The following ANKS1B variants were observed in gnomAD, a reference collection of about 807,000 sequenced individuals.
ANKS1B encodes the protein ankyrin repeat and sterile alpha motif domain-containing protein 1B.
In ANKS1B, 36 loss-of-function variants were observed where a neutral mutation model predicts 148.3. That is an observed-to-expected ratio of 0.24 (90% CI 0.19 to 0.32). ANKS1B has a LOEUF of 0.32. Among genes scored for constraint, ANKS1B ranks in the 10% least tolerant of loss-of-function variants. The pLI is 1.00. For synonymous variants in ANKS1B, 542 were observed against 560.8 expected (o/e 0.97, Z 0.47); for missense variants, 1,157 against 1,542.6 (o/e 0.75, Z 4.19).
At chr12:99,846,858 C>T (rs939684833) in intron 1 of ANKS1B, among the ~76,000 whole-genome samples, 7 of 152,112 alleles carry the variant, frequency 4.6e-5, no homozygotes, top group African/African-American at 9.7e-5. Context: ...GATGTGGTCA[C>T]ATTTTGCGGA....
At chr12:99,042,505 C>A (rs1423293757) in intron 17 of ANKS1B, among the ~76,000 whole-genome samples, 1 of 152,168 alleles carries the variant, frequency 6.6e-6, no homozygotes, top group Non-Finnish European at 1.5e-5. Context: ...CGCTGACCCA[C>A]AAACTGTAAG....
At chr12:98,967,012 C>T (rs1597724022) in intron 17 of ANKS1B, among the ~76,000 whole-genome samples, 1 of 152,026 alleles carries the variant, frequency 6.6e-6, no homozygotes, top group South Asian at 2.1e-4. Context: ...ACGTTGTGCA[C>T]ATGTACCCTA....
At chr12:99,717,663 T>C (rs1054750582) in intron 8 of ANKS1B, among the ~76,000 whole-genome samples, 3 of 152,180 alleles carry the variant, frequency 2.0e-5, no homozygotes, top group Non-Finnish European at 2.9e-5. Flanking sequence ...GGCTGAAGAC[T>C]GACACTGCCC....
intron 21 of ANKS1B, among the ~76,000 whole-genome samples, chr12:98,800,609 A>C (rs1045092709): frequency 2.9e-4 from 43 of 150,084 alleles, no homozygotes; most frequent in African/African-American, 1.1e-3. Flanking sequence ...CAGTGAAAAG[A>C]ATCTGGTATT....
intron 12 of ANKS1B, among the ~76,000 whole-genome samples, chr12:99,258,671 T>C (rs1350783630): frequency 6.6e-6 from 1 of 151,900 alleles, no homozygotes; most frequent in Non-Finnish European, 1.5e-5. Context: ...ACATTCATTT[T>C]TTTCCAAATA....
intron 10 of ANKS1B, among the ~76,000 whole-genome samples, chr12:99,469,949 G>A (rs936202679): frequency 3.3e-5 from 5 of 151,806 alleles, no homozygotes; most frequent in Middle Eastern, 3.4e-3. Flanking sequence ...GGAGACCCCC[G>A]TATCTTCAAA....
intron 17 of ANKS1B, among the ~76,000 whole-genome samples, chr12:98,986,333 A>G (rs1366065984): frequency 6.6e-6 from 1 of 151,346 alleles, no homozygotes; most frequent in East Asian, 1.9e-4. Flanking sequence ...TCTACATGTT[A>G]AACCAGGTGA....
intron 8 of ANKS1B, among the ~76,000 whole-genome samples, chr12:99,758,711 C>T (rs1337927433): frequency 6.6e-6 from 1 of 151,800 alleles, no homozygotes; most frequent in Non-Finnish European, 1.5e-5. Flanking sequence ...ACTCAAATTC[C>T]TGTTCTCTAC....
chr12:98,745,725 G>A lies in ANKS1B; in HGVS notation c.*14C>T, dbSNP rs2097865997. On this transcript the variant is annotated 3_prime_UTR_variant, in exon 27 of 27. Transcript: ENST00000683438. The stretch of plus-strand genomic sequence containing the variant: ...GGCGAGCAAGGCACCGCGAGGACAG[G>A]AGGACGGCGAGTATCAGAAAATCGT... 6.2e-7 allele frequency: 1 copy of A among 1,612,846 alleles called. No homozygotes were observed. Among genetic ancestry groups the A allele is most frequent in the Non-Finnish European group, 8.5e-7 (1 of 1,179,344 alleles).
chr12:99,748,940 A>AT (rs1269194693), intron 8 of ANKS1B, among the ~76,000 whole-genome samples: 5 of 152,128 alleles, frequency 3.3e-5, no homozygotes, highest in Non-Finnish European at 5.9e-5. Context: ...GGAGTAAAAT[A>AT]TTTGTAAAAG....
In ANKS1B at chr12:99,314,091, G is replaced by A. The variant is rs144466933; in HGVS notation, c.1757-67227C>T. 3.4e-3 allele frequency among the ~76,000 whole-genome samples: 513 copies of A among 152,202 alleles called. 3 individuals are homozygous for A. The highest frequency in any genetic ancestry group is 0.012 in the African/African-American group (494 of 41,524). On this transcript the variant is annotated intron_variant, in intron 12 of 26. Transcript: ENST00000683438. ...AAGTCTCAGGATACAAAATCAACGT[G>A]CAAAAATCACAAGCATTCCTATACA...
intron 25 of ANKS1B, among the ~76,000 whole-genome samples, chr12:98,760,567 T>G (rs569681115): frequency 1.3e-5 from 2 of 152,170 alleles, no homozygotes; most frequent in Non-Finnish European, 2.9e-5. Flanking sequence ...TCCAGCAAAA[T>G]CTGGAACCTC....
intron 8 of ANKS1B, among the ~76,000 whole-genome samples, chr12:99,756,709 G>A (rs1287281290): frequency 6.6e-6 from 1 of 152,068 alleles, no homozygotes; most frequent in Non-Finnish European, 1.5e-5. Flanking sequence ...AAACAGCATA[G>A]TACTGGTACA....
rs116123962 is a variant in ANKS1B, at chr12:99,836,398, C to T, written c.135-11009G>A. Among the ~76,000 whole-genome samples, 1,196 of 152,036 alleles carry T rather than the reference C, an allele frequency of 7.9e-3. 16 individuals carry two copies. Among genetic ancestry groups the T allele is most frequent in the African/African-American group, 0.027 (1,130 of 41,454 alleles). On this transcript the variant is annotated intron_variant, in intron 1 of 26. Transcript: ENST00000683438. Reference sequence around the variant, plus strand: ...GTAATGCACAATTTTACAAAAAGCACATCAGGAGCATCATAGTCAAAATCG... The same window carrying T: ...GTAATGCACAATTTTACAAAAAGCATATCAGGAGCATCATAGTCAAAATCG...
chr12:99,061,201 C>T (rs772631836), intron 16 of ANKS1B, among the ~76,000 whole-genome samples: 4 of 152,160 alleles, frequency 2.6e-5, no homozygotes, highest in Non-Finnish European at 5.9e-5. Flanking sequence ...CTGTGGAATG[C>T]TAATGAAAGT....
intron 17 of ANKS1B, among the ~76,000 whole-genome samples, chr12:98,910,626 T>C (rs201408): frequency 4.6e-5 from 7 of 152,076 alleles, no homozygotes; most frequent in African/African-American, 1.4e-4. Flanking sequence ...TAAACCAATA[T>C]GTAAATCAGC....
chr12:99,122,966 G>A (rs2153730159), intron 15 of ANKS1B, among the ~76,000 whole-genome samples: 1 of 140,394 alleles, frequency 7.1e-6, no homozygotes, highest in South Asian at 2.3e-4. Flanking sequence ...TGTTCTAGGA[G>A]CTAGAAATAA....
chr12:99,615,390 C>T (rs1279180320), intron 9 of ANKS1B, among the ~76,000 whole-genome samples: 1 of 152,162 alleles, frequency 6.6e-6, no homozygotes, highest in African/African-American at 2.4e-5. Flanking sequence ...AATACTTACA[C>T]ATCAGGCAAC....
At chr12:99,673,134 A>G (rs981825390) in intron 8 of ANKS1B, among the ~76,000 whole-genome samples, 8 of 152,154 alleles carry the variant, frequency 5.3e-5, no homozygotes, top group Non-Finnish European at 1.2e-4. Context: ...AAGCCTGAGC[A>G]GAGAATACAA....
Sources: gnomAD v4.1 joint callset for allele counts (sites outside exome capture counted in the v4.1 genomes callset) on GRCh38, gnomAD v4.1.1 for gene constraint, MANE v1.5 for transcripts, NCBI Gene and HGNC (gene_info 2026-07-23, HGNC 2026-07-21) for gene names.